Variants in GRID2 observed in about 807,000 individuals in gnomAD.
GRID2 encodes the protein glutamate ionotropic receptor delta type subunit 2, also known as glutamate receptor ionotropic, delta-2.
Under a neutral mutation model 114.8 loss-of-function variants are expected in GRID2, and 33 were observed. The observed-to-expected ratio is 0.29, with a 90% confidence interval of 0.22 to 0.38. The LOEUF (loss-of-function observed/expected upper bound fraction) is 0.38, where lower values mean the gene tolerates loss of function less well. GRID2 is among the 10% of genes least tolerant of loss of function. The probability of loss-of-function intolerance (pLI) is 1.00; values close to 1 mark genes in which losing one functional copy is unlikely to be tolerated. For missense variants in GRID2, 1,184 were observed against 1,257.7 expected (o/e 0.94, Z 0.89); for synonymous variants, 505 against 449.9 (o/e 1.12, Z -1.55).
chr4:93,204,748 A>G (rs1742504683), intron 4 of GRID2, among the ~76,000 whole-genome samples: 1 of 152,214 alleles, frequency 6.6e-6, no homozygotes, highest in Non-Finnish European at 1.5e-5. Flanking sequence ...TACTTAGTCC[A>G]TAAATGCTGT....
chr4:92,747,400 T>A (rs2149335829), intron 2 of GRID2, among the ~76,000 whole-genome samples: 1 of 152,236 alleles, frequency 6.6e-6, no homozygotes, highest in Admixed American at 6.5e-5. Context: ...GCTAAAAGCT[T>A]AAGGCATTTG....
intron 2 of GRID2, among the ~76,000 whole-genome samples, chr4:92,686,382 TTACAA>T (rs917810347): frequency 1.3e-5 from 2 of 152,098 alleles, no homozygotes; most frequent in Admixed American, 6.5e-5. Context: ...TTTTTGGATG[TTACAA>T]TTAAATATCC....
At chr4:92,397,987 T>G (rs1463424163) in intron 1 of GRID2, among the ~76,000 whole-genome samples, 1 of 152,138 alleles carries the variant, frequency 6.6e-6, no homozygotes, top group Non-Finnish European at 1.5e-5. Flanking sequence ...AGGTGATGCT[T>G]TTAAATGTAA....
In GRID2 at chr4:92,509,290, G is replaced by A. The variant is rs79142314; in HGVS notation, c.89-80841G>A. On this transcript the variant is annotated intron_variant, in intron 1 of 15. Transcript: ENST00000282020. ...AGAATATGAACTCAGTGAAGGCAGG[G>A]CTCTTGGCTTATTCTTCTTTGTATC... Among the ~76,000 whole-genome samples, 94 of 151,934 alleles carry A rather than the reference G, an allele frequency of 6.2e-4. 1 individual carries two copies. The East Asian group carries it at 0.017, about 27-fold the overall frequency.
At chr4:93,182,069 C>A (rs760986947) in intron 4 of GRID2, among the ~76,000 whole-genome samples, 8 of 152,130 alleles carry the variant, frequency 5.3e-5, no homozygotes, top group Admixed American at 4.6e-4. Flanking sequence ...CATTGGAATT[C>A]AAATGGCATT....
At chr4:92,345,931 A>T (rs1727740833) in intron 1 of GRID2, among the ~76,000 whole-genome samples, 1 of 152,234 alleles carries the variant, frequency 6.6e-6, no homozygotes, top group Non-Finnish European at 1.5e-5. Flanking sequence ...AAAGTGACTT[A>T]TCAAAAGTGT....
chr4:93,335,160 A>G (rs529870466), intron 8 of GRID2, among the ~76,000 whole-genome samples: 1 of 152,310 alleles, frequency 6.6e-6, no homozygotes, highest in African/African-American at 2.4e-5. Flanking sequence ...TATAACTAAT[A>G]CTTAATTAGC....
At chr4:92,563,600 T>C (rs1727203752) in intron 1 of GRID2, among the ~76,000 whole-genome samples, 1 of 152,146 alleles carries the variant, frequency 6.6e-6, no homozygotes, top group Non-Finnish European at 1.5e-5. Context: ...TCTTTTTTAT[T>C]CTTTAATGAC....
chr4:93,426,010 T>A (rs1000712292), intron 10 of GRID2, among the ~76,000 whole-genome samples: 1 of 152,148 alleles, frequency 6.6e-6, no homozygotes, highest in Non-Finnish European at 1.5e-5. Context: ...ATTGCTAGAA[T>A]TGGAATAATT....
intron 14 of GRID2, among the ~76,000 whole-genome samples, chr4:93,703,740 G>T (rs1727733399): frequency 6.8e-6 from 1 of 146,710 alleles, no homozygotes. Flanking sequence ...GTGAGAACAT[G>T]CAGTGTTTGG....
intron 1 of GRID2, among the ~76,000 whole-genome samples, chr4:92,426,366 T>C (rs977228508): frequency 6.6e-6 from 1 of 152,086 alleles, no homozygotes; most frequent in African/African-American, 2.4e-5. Context: ...GTATTCAGGG[T>C]AGAAAAGGTA....
chr4:93,450,043 A>T (rs1445007694), intron 10 of GRID2, among the ~76,000 whole-genome samples: 1 of 151,960 alleles, frequency 6.6e-6, no homozygotes, highest in Non-Finnish European at 1.5e-5. Flanking sequence ...TAAATTTAGC[A>T]TAAGGCAGTA....
chr4:92,600,024 ATGTGTGTGTGTGTGTGTGTG>A (rs145357264), intron 2 of GRID2, among the ~76,000 whole-genome samples: 4 of 79,686 alleles, frequency 5.0e-5, no homozygotes, highest in African/African-American at 2.2e-4. Flanking sequence ...TACTTCATGT[ATGTGTGTGTGTGTGTGTGTG>A]TATATATATA....
chr4:93,768,214 C>T (rs1309187271), intron 14 of GRID2, among the ~76,000 whole-genome samples: 1 of 152,216 alleles, frequency 6.6e-6, no homozygotes, highest in African/African-American at 2.4e-5. Flanking sequence ...ATAGGCCTGG[C>T]AGGCCCTGGA....
intron 2 of GRID2, among the ~76,000 whole-genome samples, chr4:92,885,703 A>C (rs1023893709): frequency 1.3e-5 from 2 of 152,222 alleles, no homozygotes; most frequent in Non-Finnish European, 2.9e-5. Context: ...TAGTCAGTTA[A>C]AACTTCTGAT....
chr4:93,746,034 G>C (rs928325956), intron 14 of GRID2, among the ~76,000 whole-genome samples: 1 of 152,080 alleles, frequency 6.6e-6, no homozygotes, highest in Non-Finnish European at 1.5e-5. Flanking sequence ...GTGTAACCAT[G>C]AGCAACAGGT....
At chr4:92,734,170 T>A (rs1453433235) in intron 2 of GRID2, among the ~76,000 whole-genome samples, 1 of 152,190 alleles carries the variant, frequency 6.6e-6, no homozygotes, top group Admixed American at 6.6e-5. Flanking sequence ...TTTTAAATTA[T>A]GTTAATTTTA....
In GRID2 at chr4:93,758,680, GTTAA is replaced by G. The variant is rs369889113; in HGVS notation, c.2361-10527_2361-10524del. 3.3e-3 allele frequency among the ~76,000 whole-genome samples: 495 copies of G among 152,114 alleles called. 2 individuals are homozygous for G. The highest frequency in any genetic ancestry group is 0.011 in the African/African-American group (443 of 41,482). ...ACTCAGGATCTCACTTATTTTAAAG[GTTAA>G]TTGTCAGACTCAAGGATATGAAAAT... On this transcript the variant is annotated intron_variant, in intron 14 of 15. Transcript: ENST00000282020.
At chr4:92,869,661 C>A (rs997652513) in intron 2 of GRID2, among the ~76,000 whole-genome samples, 8 of 152,254 alleles carry the variant, frequency 5.3e-5, no homozygotes, top group African/African-American at 1.9e-4. Context: ...CTTTCTTTTG[C>A]ATTATTCACC....
Sources: gnomAD v4.1 joint callset for allele counts (sites outside exome capture counted in the v4.1 genomes callset) on GRCh38, gnomAD v4.1.1 for gene constraint, MANE v1.5 for transcripts, NCBI Gene and HGNC (gene_info 2026-07-23, HGNC 2026-07-21) for gene names.